Variants in BABAM2 observed in about 807,000 individuals in gnomAD.
BABAM2 encodes BRISC and BRCA1 A complex member 2, also known as BRISC and BRCA1-A complex member 2.
BABAM2 carries 31 observed loss-of-function variants against 54.7 expected under a neutral mutation model. The observed-to-expected ratio is 0.57, with a 90% confidence interval of 0.43 to 0.77. BABAM2 has a LOEUF of 0.77. Among genes scored for constraint, BABAM2 ranks in the 30% least tolerant of loss-of-function variants. The probability of loss-of-function intolerance (pLI) is 0.00; values close to 1 mark genes in which losing one functional copy is unlikely to be tolerated. For missense variants in BABAM2, 364 were observed against 455.8 expected (o/e 0.80, Z 1.83); for synonymous variants, 167 against 162.9 (o/e 1.03, Z -0.19).
At chr2:28,096,906 G>A (rs1048995867) in intron 6 of BABAM2, among the ~76,000 whole-genome samples, 2 of 152,142 alleles carry the variant, frequency 1.3e-5, no homozygotes, top group Admixed American at 1.3e-4. Flanking sequence ...CATATTTTAG[G>A]TTGCATTCAG....
rs1418069506 is a variant in BABAM2 at position 28,227,552 on chromosome 2, A to T, written c.681-9650A>T. On this transcript the variant is annotated intron_variant, in intron 7 of 11. Transcript: ENST00000379624. ...TTACCCATGTGTACATCTGGCAGAA[A>T]CCACCTTTTTTCTGGTAGTTTCAAT... Among the ~76,000 whole-genome samples, 2 of 152,242 alleles carry T rather than the reference A, an allele frequency of 1.3e-5. 1 individual carries two copies. The highest frequency in any genetic ancestry group is 4.2e-4 in the South Asian group (2 of 4,816).
intron 4 of BABAM2, among the ~76,000 whole-genome samples, chr2:27,988,694 T>G (rs577020720): frequency 2.0e-5 from 3 of 152,244 alleles, no homozygotes; most frequent in Non-Finnish European, 4.4e-5. Context: ...CACATATGCT[T>G]TAGTAAGCAT....
At chr2:28,245,618 G>A (rs1682848828) in intron 10 of BABAM2, among the ~76,000 whole-genome samples, 1 of 152,184 alleles carries the variant, frequency 6.6e-6, no homozygotes, top group Non-Finnish European at 1.5e-5. Flanking sequence ...AGTCAACTGA[G>A]ACCTTCATTC....
In BABAM2 at chr2:28,016,203, T is replaced by G. The variant is rs1573396424; in HGVS notation, c.301-9023T>G. The G allele has an allele frequency of 7.5e-6, 8 of 1,073,424 alleles. No individual in the cohort carries two copies. In the East Asian group the frequency reaches 2.1e-4, roughly 29 times the overall value. 66.5% of individuals were successfully genotyped at this position (1,073,424 alleles called of 1,614,324 possible). On this transcript the variant is annotated intron_variant, in intron 4 of 11. Transcript: ENST00000379624. ...ACTTACCAGATTTCTTCTTTTTTCT[T>G]TCTCTGTCTTTTTTTGGATGAGCTC...
intron 10 of BABAM2, among the ~76,000 whole-genome samples, chr2:28,289,804 A>G (rs1687137839): frequency 6.6e-6 from 1 of 152,102 alleles, no homozygotes; most frequent in African/African-American, 2.4e-5. Context: ...AGAAAAAAAG[A>G]AAGGAAAGGA....
At chr2:28,275,736 T>C (rs780811613) in intron 10 of BABAM2, among the ~76,000 whole-genome samples, 13 of 152,206 alleles carry the variant, frequency 8.5e-5, no homozygotes, top group Admixed American at 6.5e-4. Flanking sequence ...ATTATTGATA[T>C]ATATCTCTTC....
chr2:27,921,319 T>C (rs544430743), intron 2 of BABAM2, among the ~76,000 whole-genome samples: 3 of 152,312 alleles, frequency 2.0e-5, no homozygotes, highest in South Asian at 2.1e-4. Context: ...TTTGGCAATA[T>C]TTTGTCATCT....
chr2:28,135,622 G>C (rs1326696843), intron 7 of BABAM2, among the ~76,000 whole-genome samples: 1 of 152,114 alleles, frequency 6.6e-6, no homozygotes, highest in African/African-American at 2.4e-5. Context: ...TAAAGGGCCT[G>C]AAACTAAACT....
chr2:28,077,466 C>A (rs556573098), intron 6 of BABAM2, among the ~76,000 whole-genome samples: 64 of 152,138 alleles, frequency 4.2e-4, no homozygotes, highest in African/African-American at 1.4e-3. Context: ...GTTTATTTCA[C>A]AAAAAACTTG....
At chr2:28,148,825 G>C (rs1671748591) in intron 7 of BABAM2, among the ~76,000 whole-genome samples, 1 of 152,238 alleles carries the variant, frequency 6.6e-6, no homozygotes, top group African/African-American at 2.4e-5. Context: ...AGAGCCAGGA[G>C]AGCTGGAGCC....
At chr2:28,309,951 C>G in intron 11 of BABAM2, 2 of 965,074 alleles carry the variant, frequency 2.1e-6, no homozygotes, top group Non-Finnish European at 3.2e-6. Context: ...CCCTCCTGGG[C>G]CTTTTCCTTA....
intron 11 of BABAM2, among the ~76,000 whole-genome samples, chr2:28,303,668 T>C (rs554603636): frequency 6.6e-5 from 10 of 152,068 alleles, no homozygotes; most frequent in African/African-American, 9.7e-5. Flanking sequence ...TTTTTATATA[T>C]CTTTTAGAAT....
At chr2:28,088,097 G>C (rs927218287) in intron 6 of BABAM2, among the ~76,000 whole-genome samples, 1 of 152,070 alleles carries the variant, frequency 6.6e-6, no homozygotes, top group African/African-American at 2.4e-5. Flanking sequence ...TTGTTTATGT[G>C]AACACATAGA....
intron 4 of BABAM2, among the ~76,000 whole-genome samples, chr2:28,023,290 A>G (rs191155115): frequency 1.1e-4 from 16 of 152,356 alleles, no homozygotes; most frequent in African/African-American, 3.8e-4. Flanking sequence ...ATAAATCAAG[A>G]CAACTAACTT....
chr2:28,221,714 G>A (rs893517149), intron 7 of BABAM2, among the ~76,000 whole-genome samples: 2 of 152,220 alleles, frequency 1.3e-5, no homozygotes, highest in Non-Finnish European at 2.9e-5. Flanking sequence ...TTGTGATTTG[G>A]TTCTACTCAT....
At chr2:28,044,854 C>G (rs1677436617) in intron 5 of BABAM2, among the ~76,000 whole-genome samples, 1 of 152,096 alleles carries the variant, frequency 6.6e-6, no homozygotes, top group East Asian at 1.9e-4. Flanking sequence ...CTGAGCTGCA[C>G]ACTTGCAGTG....
intron 4 of BABAM2, among the ~76,000 whole-genome samples, chr2:28,006,167 C>T (rs532077156): frequency 1.3e-5 from 2 of 152,002 alleles, no homozygotes; most frequent in South Asian, 4.2e-4. Flanking sequence ...TTACCACAGA[C>T]TAGATTTTGC....
chr2:28,000,728 G>T (rs1327121891), intron 4 of BABAM2, among the ~76,000 whole-genome samples: 1 of 152,136 alleles, frequency 6.6e-6, no homozygotes, highest in East Asian at 1.9e-4. Context: ...ATTTGTATCA[G>T]TATGGACTTA....
At chr2:28,003,122 GT>G (rs1332709674) in intron 4 of BABAM2, among the ~76,000 whole-genome samples, 1 of 152,152 alleles carries the variant, frequency 6.6e-6, no homozygotes, top group African/African-American at 2.4e-5. Context: ...ACTTCTTGGT[GT>G]TTACTGATTT....
Sources: allele counts gnomAD v4.1 joint callset (sites outside exome capture counted in the v4.1 genomes callset), GRCh38; gene constraint gnomAD v4.1.1; transcripts MANE v1.5; gene names NCBI Gene and HGNC (gene_info 2026-07-23, HGNC 2026-07-21).